Variants in ADCY8 observed in about 807,000 individuals in gnomAD.
ADCY8 encodes the protein adenylate cyclase 8, also known as adenylate cyclase type 8.
Under a neutral mutation model 119.7 loss-of-function variants are expected in ADCY8, and 51 were observed. That is an observed-to-expected ratio of 0.43 (90% CI 0.34 to 0.54). The LOEUF (loss-of-function observed/expected upper bound fraction) is 0.54, where lower values mean the gene tolerates loss of function less well. Among genes scored for constraint, ADCY8 ranks in the 20% least tolerant of loss-of-function variants. The pLI, the probability that ADCY8 is intolerant of heterozygous loss-of-function variation, is 0.03. For synonymous variants in ADCY8, 665 were observed against 651.0 expected, an observed-to-expected ratio of 1.02 and a Z score of -0.33; for missense variants, 1,383 against 1,598.8, an observed-to-expected ratio of 0.87 and a Z score of 2.30.
Position 131,033,265 on chromosome 8 carries a change from G to T in ADCY8, c.960+6109C>A, listed in dbSNP as rs142721073. On this transcript the variant is annotated intron_variant, in intron 1 of 17. Transcript: ENST00000286355. The stretch of plus-strand genomic sequence containing the variant: ...CATCTTAAGAAATATTTAGACAACA[G>T]TAAAATGTCACATCAGCATGATTGT... Among the ~76,000 whole-genome samples the T allele has an allele frequency of 1.9e-3, 282 of 152,288 alleles. 1 individual carries two copies. Among genetic ancestry groups the T allele is most frequent in the African/African-American group, 6.5e-3 (270 of 41,572 alleles).
At chr8:130,875,670 A>G (rs1386249693) in intron 8 of ADCY8, among the ~76,000 whole-genome samples, 2 of 152,226 alleles carry the variant, frequency 1.3e-5, no homozygotes, top group Non-Finnish European at 2.9e-5. Context: ...TACAACTCCA[A>G]TAAAAGTTGA....
Position 130,780,361 on chromosome 8 carries a change from C to CAAAAAAAAA in ADCY8, c.*20_*28dup. On this transcript the variant is annotated 3_prime_UTR_variant, in exon 18 of 18. Transcript: ENST00000286355. ...ATTTATTTTATATATAAAAGAAATA[C>CAAAAAAAAA]AAAAAAAAAAAACAGAAAGAAAATG... 7.8e-7 allele frequency: 1 copy of CAAAAAAAAA among 1,280,258 alleles called. No homozygotes were observed. Among genetic ancestry groups the CAAAAAAAAA allele is most frequent in the Non-Finnish European group, 1.0e-6 (1 of 999,730 alleles). The allele number at this position is 1,280,258 out of a possible 1,614,324, so 79.3% of individuals were successfully genotyped here.
intron 5 of ADCY8, among the ~76,000 whole-genome samples, chr8:130,912,048 A>G (rs1238914347): frequency 6.6e-6 from 1 of 152,072 alleles, no homozygotes; most frequent in Non-Finnish European, 1.5e-5. Flanking sequence ...GTGCTTCCTC[A>G]ATCTGGAATG....
intron 2 of ADCY8, among the ~76,000 whole-genome samples, chr8:130,985,855 G>T (rs1190667626): frequency 1.3e-5 from 2 of 152,082 alleles, no homozygotes; most frequent in Non-Finnish European, 2.9e-5. Flanking sequence ...CTTTAATACA[G>T]CTAAAACATC....
intron 1 of ADCY8, among the ~76,000 whole-genome samples, chr8:131,023,610 T>G (rs1823741331): frequency 6.6e-6 from 1 of 152,208 alleles, no homozygotes; most frequent in African/African-American, 2.4e-5. Context: ...TCGTCCTATT[T>G]GTTGGAAGAA....
intron 5 of ADCY8, among the ~76,000 whole-genome samples, chr8:130,912,858 T>C (rs1294536311): frequency 6.6e-6 from 1 of 152,076 alleles, no homozygotes; most frequent in East Asian, 1.9e-4. Flanking sequence ...GTAGGAGCCA[T>C]TTAAAAAAAA....
intron 8 of ADCY8, among the ~76,000 whole-genome samples, chr8:130,878,068 A>T (rs997958478): frequency 1.3e-5 from 2 of 152,192 alleles, no homozygotes; most frequent in Non-Finnish European, 2.9e-5. Context: ...ATATTGTGCC[A>T]TTTAATTTTC....
intron 1 of ADCY8, among the ~76,000 whole-genome samples, chr8:131,006,495 A>AT (rs1209278721): frequency 1.6e-4 from 25 of 152,106 alleles, no homozygotes; most frequent in African/African-American, 5.8e-4. Context: ...CAATGATGAG[A>AT]TTTTTCCCCA....
chr8:130,904,451 A>G (rs1048139160), intron 6 of ADCY8, among the ~76,000 whole-genome samples: 1 of 152,140 alleles, frequency 6.6e-6, no homozygotes, highest in Non-Finnish European at 1.5e-5. Context: ...TATCCAAATC[A>G]CCATGCAAAA....
intron 9 of ADCY8, among the ~76,000 whole-genome samples, chr8:130,861,653 T>G (rs1817932654): frequency 6.6e-6 from 1 of 152,192 alleles, no homozygotes; most frequent in Non-Finnish European, 1.5e-5. Context: ...CTTTCTGATA[T>G]GTATGCCTTT....
At position 130,795,661 on chromosome 8, in the gene ADCY8, C is replaced by T. The variant is rs571425753; in HGVS notation, c.3060+4765G>A. Among the ~76,000 whole-genome samples, 20 of 152,298 alleles carry T rather than the reference C, an allele frequency of 1.3e-4. No individual in the cohort carries two copies. In the East Asian group the frequency reaches 3.7e-3, roughly 28 times the overall value. ...GACGGAGCAGAAGATGGGTTCTCTA[C>T]AGACTCTCTTGTTTCAGGCATCATC... On this transcript the variant is annotated intron_variant, in intron 15 of 17. Coordinates refer to ENST00000286355, the MANE Select transcript of ADCY8 (RefSeq NM_001115.3).
In ADCY8 at chr8:130,780,345, A is replaced by G. The variant is rs763790179; in HGVS notation, c.*45T>C. On this transcript the variant is annotated 3_prime_UTR_variant, in exon 18 of 18. Coordinates refer to ENST00000286355, the MANE Select transcript of ADCY8 (RefSeq NM_001115.3). Reference sequence around the variant, plus strand: ...ACCTTTTTATTAGTATATTTATTTTATATATAAAAGAAATACAAAAAAAAA... The same window carrying G: ...ACCTTTTTATTAGTATATTTATTTTGTATATAAAAGAAATACAAAAAAAAA... 8.7e-5 allele frequency: 108 copies of G among 1,241,016 alleles called. No individual in the cohort carries two copies. The highest frequency in any genetic ancestry group is 1.0e-4 in the Non-Finnish European group (99 of 983,548). The allele number at this position is 1,241,016 out of a possible 1,614,324, so 76.9% of individuals were successfully genotyped here.
rs1563685105 is a variant in ADCY8 at position 130,836,365 on chromosome 8, G to C, written c.2587C>G (p.Leu863Val). 1 of 1,614,006 alleles carries C rather than the reference G, an allele frequency of 6.2e-7. No individual in the cohort carries two copies. Among genetic ancestry groups the C allele is most frequent in the South Asian group, 1.1e-5 (1 of 91,076 alleles). ...AGGGCATAGATGGCAATCATGATCA[G>C]CAGCACTGCCAGCTTCAGGACGGAG... Reference protein sequence around the residue: ...LNSVLKLAVLLIMIAIYALLT... With the variant: ...LNSVLKLAVLVIMIAIYALLT... The change falls in exon 12 of 18, where the codon CTG becomes GTG. Residue 863 changes from leucine to valine, a missense_variant. By Grantham distance (32) the Leu-to-Val change is conservative (BLOSUM62 1). This residue lies in a region of ADCY8 where 928 missense variants were observed against 1,163.5 expected (regional missense o/e 0.80). Coordinates refer to ENST00000286355, the MANE Select transcript of ADCY8 (RefSeq NM_001115.3).
At chr8:130,811,234 C>T (rs992232720) in intron 14 of ADCY8, among the ~76,000 whole-genome samples, 1 of 152,166 alleles carries the variant, frequency 6.6e-6, no homozygotes, top group East Asian at 1.9e-4. Context: ...TACTCATTCC[C>T]TTGGCTTGTC....
chr8:130,953,158 T>G (rs1034420696), intron 2 of ADCY8, among the ~76,000 whole-genome samples: 5 of 152,172 alleles, frequency 3.3e-5, no homozygotes, highest in Admixed American at 1.3e-4. Flanking sequence ...GTTTAATACT[T>G]TTAGTTGAAT....
At position 130,909,730 on chromosome 8, in the gene ADCY8, G is replaced by A. The variant is rs1025608895; in HGVS notation, c.1618C>T (p.Leu540Phe). The A allele has an allele frequency of 1.8e-5, 29 of 1,613,964 alleles. No individual in the cohort carries two copies. The highest frequency in any genetic ancestry group is 2.4e-5 in the Non-Finnish European group (28 of 1,180,006). ...TACCCAGGGATTCCTCCAGATTCGAGTTTGTTTGCAATATCCACATCCCAA... is the reference window on the plus strand; with the variant it reads ...TACCCAGGGATTCCTCCAGATTCGAATTTGTTTGCAATATCCACATCCCAA... ...WSWDVDIANK[L>F]ESGGIPGRIH... Residue 540 changes from leucine to phenylalanine, a missense_variant, in exon 6 of 18, where the codon CTC (leucine) becomes TTC (phenylalanine). Leu to Phe is a conservative substitution (Grantham distance 22, BLOSUM62 0). This residue lies in a region of ADCY8 where 928 missense variants were observed against 1,163.5 expected (regional missense o/e 0.80). Coordinates refer to ENST00000286355, the MANE Select transcript of ADCY8 (RefSeq NM_001115.3).
intron 1 of ADCY8, among the ~76,000 whole-genome samples, chr8:131,017,606 C>T (rs1823521789): frequency 6.6e-6 from 1 of 152,178 alleles, no homozygotes; most frequent in South Asian, 2.1e-4. Context: ...CATCTACTCC[C>T]CACCCCCACA....
intron 14 of ADCY8, among the ~76,000 whole-genome samples, chr8:130,813,724 A>C (rs1191094931): frequency 6.6e-6 from 1 of 152,022 alleles, no homozygotes; most frequent in East Asian, 1.9e-4. Context: ...CCTTTTTTCA[A>C]TTATTTTGGG....
intron 9 of ADCY8, among the ~76,000 whole-genome samples, chr8:130,853,030 A>C (rs1165691666): frequency 6.6e-6 from 1 of 152,168 alleles, no homozygotes; most frequent in African/African-American, 2.4e-5. Flanking sequence ...TGCCCAGACT[A>C]TCTCCCTGCC....
Sources: allele counts gnomAD v4.1 joint callset (sites outside exome capture counted in the v4.1 genomes callset), GRCh38; gene constraint gnomAD v4.1.1; regional missense constraint gnomAD v4.1.1; transcripts MANE v1.5; gene names NCBI Gene and HGNC (gene_info 2026-07-23, HGNC 2026-07-21).